CLVS2: variants seen among roughly 807,000 people sequenced by gnomAD.
CLVS2 encodes the protein clavesin-2.
Under a neutral mutation model 29.0 loss-of-function variants are expected in CLVS2, and 19 were observed. That is an observed-to-expected ratio of 0.66 (90% CI 0.46 to 0.96). The LOEUF (loss-of-function observed/expected upper bound fraction) is 0.96, where lower values mean the gene tolerates loss of function less well. CLVS2 is among the 40% of genes least tolerant of loss of function. CLVS2 has a pLI of 0.00. For missense variants in CLVS2, 294 were observed against 404.1 expected (o/e 0.73, Z 2.34); for synonymous variants, 161 against 151.3 (o/e 1.06, Z -0.47).
In CLVS2 at chr6:123,011,133, C is replaced by T; in HGVS notation, c.538C>T (p.Leu180=). 7 of 1,585,576 alleles carry T rather than the reference C, an allele frequency of 4.4e-6. No individual in the cohort carries two copies. The highest frequency in any genetic ancestry group is 6.0e-6 in the Non-Finnish European group (7 of 1,164,454). ...AGCCTCTAAACTCACACCAAGTATG[C>T]TGCGATTAGCTATTGAAGGCCTGCA... ...KQASKLTPSM[L]RLAIEGLQDS... The change falls in exon 3 of 6, where the codon CTG becomes TTG. Residue 180 remains leucine, a synonymous_variant. Transcript: ENST00000275162.
At chr6:123,001,252 T>C (rs188740439) in intron 2 of CLVS2, among the ~76,000 whole-genome samples, 2 of 152,342 alleles carry the variant, frequency 1.3e-5, no homozygotes, top group African/African-American at 2.4e-5. Context: ...TAAAATAGTG[T>C]CTGTTTCTGC....
At chr6:122,997,179 C>G (rs1472528507) in intron 1 of CLVS2, 40 bp from the exon 2 acceptor site, 1 of 167,424 alleles carries the variant, frequency 6.0e-6, no homozygotes, top group Non-Finnish European at 1.5e-5. Context: ...TCTCCTTTCT[C>G]CCCCCTCTTT....
Position 123,064,439 on chromosome 6 carries a change from A to C in CLVS2, c.*678A>C, listed in dbSNP as rs1439847381. On this transcript the variant is annotated 3_prime_UTR_variant, in exon 6 of 6. Coordinates refer to ENST00000275162, the MANE Select transcript of CLVS2 (RefSeq NM_001010852.4). ...TGTGTTTCCTCAATTAAGACGTAGAAATGTAAAAAAGAGTGGATTCTTTTT... is the reference window on the plus strand; with the variant it reads ...TGTGTTTCCTCAATTAAGACGTAGACATGTAAAAAAGAGTGGATTCTTTTT... The C allele has an allele frequency of 6.6e-6, 1 of 151,962 alleles. No homozygotes were observed. The highest frequency in any genetic ancestry group is 1.9e-4 in the East Asian group (1 of 5,188). The allele number at this position is 151,962 out of a possible 1,614,324, so 9.4% of individuals were successfully genotyped here. A position where few individuals can be genotyped will look rare whatever the true frequency, so the allele number is the denominator to read the frequency against.
At chr6:123,028,216 TGAACTGTTGGCTATGCTATACA>T (rs1426517252) in intron 3 of CLVS2, among the ~76,000 whole-genome samples, 4 of 142,608 alleles carry the variant, frequency 2.8e-5, no homozygotes, top group Non-Finnish European at 6.0e-5. Context: ...CATTCTGTGT[TGAACTGTTGGCTATGCTATACA>T]GATCTAATCA....
intron 3 of CLVS2, among the ~76,000 whole-genome samples, chr6:123,013,029 C>A (rs1445867406): frequency 6.6e-6 from 1 of 151,976 alleles, no homozygotes; most frequent in Non-Finnish European, 1.5e-5. Flanking sequence ...TCTGTGTCTA[C>A]TCTATGTATA....
At chr6:122,999,696 CT>C (rs1380560437) in intron 2 of CLVS2, among the ~76,000 whole-genome samples, 1 of 152,062 alleles carries the variant, frequency 6.6e-6, no homozygotes, top group Non-Finnish European at 1.5e-5. Context: ...AACTAATATT[CT>C]GTATGTCAGA....
At chr6:123,010,484 A>G (rs1489969636) in intron 2 of CLVS2, among the ~76,000 whole-genome samples, 2 of 151,992 alleles carry the variant, frequency 1.3e-5, no homozygotes, top group Non-Finnish European at 2.9e-5. Context: ...TTCTATCCCT[A>G]CCACCTTTCC....
At chr6:123,041,515 A>G (rs929345866) in intron 3 of CLVS2, among the ~76,000 whole-genome samples, 1 of 152,210 alleles carries the variant, frequency 6.6e-6, no homozygotes, top group Non-Finnish European at 1.5e-5. Flanking sequence ...AATGAAACAG[A>G]GTAAAGCTGC....
intron 5 of CLVS2, among the ~76,000 whole-genome samples, chr6:123,060,572 G>A (rs1772760503): frequency 6.6e-6 from 1 of 152,130 alleles, no homozygotes; most frequent in African/African-American, 2.4e-5. Context: ...TTGATAGAGA[G>A]ACTGAGAAAC....
At chr6:123,014,203 T>C (rs1328802413) in intron 3 of CLVS2, among the ~76,000 whole-genome samples, 1 of 152,062 alleles carries the variant, frequency 6.6e-6, no homozygotes, top group African/African-American at 2.4e-5. Context: ...GGTCAAATGG[T>C]ATTTCTAGTT....
At chr6:123,025,182 T>C (rs1774983206) in intron 3 of CLVS2, among the ~76,000 whole-genome samples, 1 of 152,072 alleles carries the variant, frequency 6.6e-6, no homozygotes, top group Non-Finnish European at 1.5e-5. Context: ...AAAGGTCTGT[T>C]GGACACAGGA....
At chr6:123,055,674 T>A in intron 4 of CLVS2, 132 bp from the exon 5 acceptor site, 2 of 665,888 alleles carry the variant, frequency 3.0e-6, no homozygotes, top group Non-Finnish European at 2.7e-6. Context: ...AGTAGATGAC[T>A]GGCTAAAGTA....
rs1264053646 is a variant in CLVS2 at position 123,022,962 on chromosome 6, A to G, written c.564+11803A>G. 3.9e-5 allele frequency among the ~76,000 whole-genome samples: 6 copies of G among 152,142 alleles called. No homozygotes were observed. In the East Asian group the frequency reaches 1.2e-3, roughly 29 times the overall value. On this transcript the variant is annotated intron_variant, in intron 3 of 5. Transcript: ENST00000275162. ...TAACATAAGGTGGATGATAAACATCAAAGCAGGTCCTATTAAATGCTAAAT... is the reference window on the plus strand; with the variant it reads ...TAACATAAGGTGGATGATAAACATCGAAGCAGGTCCTATTAAATGCTAAAT...
At chr6:123,037,492 T>C (rs779779399) in intron 3 of CLVS2, among the ~76,000 whole-genome samples, 11 of 152,248 alleles carry the variant, frequency 7.2e-5, no homozygotes, top group Non-Finnish European at 1.5e-4. Context: ...TGCAGGTATT[T>C]AGCAAACAAC....
chr6:123,051,885 A>G (rs34743763), intron 4 of CLVS2, among the ~76,000 whole-genome samples: 5,476 of 152,244 alleles, frequency 0.036, 137 homozygotes, highest in Non-Finnish European at 0.045. Flanking sequence ...AATGTTAATA[A>G]ATGATGTTAT....
chr6:123,007,285 C>T (rs1350507831), intron 2 of CLVS2, among the ~76,000 whole-genome samples: 1 of 152,040 alleles, frequency 6.6e-6, no homozygotes, highest in African/African-American at 2.4e-5. Context: ...TATGAGGTAA[C>T]TATTATTATC....
intron 5 of CLVS2, among the ~76,000 whole-genome samples, chr6:123,060,894 C>G (rs1261620221): frequency 6.6e-6 from 1 of 152,190 alleles, no homozygotes; most frequent in Admixed American, 6.6e-5. Context: ...TTCTTAAACA[C>G]TATGTATTGT....
chr6:123,017,580 T>G (rs965333981), intron 3 of CLVS2, among the ~76,000 whole-genome samples: 15 of 152,118 alleles, frequency 9.9e-5, no homozygotes, highest in African/African-American at 3.4e-4. Context: ...TAGAACAAAA[T>G]GAATGAAAAC....
intron 3 of CLVS2, among the ~76,000 whole-genome samples, chr6:123,024,138 T>A (rs1774964645): frequency 6.6e-6 from 1 of 152,222 alleles, no homozygotes; most frequent in South Asian, 2.1e-4. Context: ...ACATATACCA[T>A]CCCCATTTTC....
Sources: allele counts gnomAD v4.1 joint callset (sites outside exome capture counted in the v4.1 genomes callset), GRCh38; gene constraint gnomAD v4.1.1; transcripts MANE v1.5; gene names NCBI Gene and HGNC (gene_info 2026-07-23, HGNC 2026-07-21).